Variants in KLHL6 observed in about 807,000 individuals in gnomAD.
KLHL6 encodes the protein kelch-like protein 6.
Under a neutral mutation model 58.6 loss-of-function variants are expected in KLHL6, and 41 were observed. The ratio of observed to expected loss-of-function variants is 0.70; its 90% confidence interval spans 0.55 to 0.91. KLHL6 has a LOEUF of 0.91. KLHL6 is among the 40% of genes least tolerant of loss of function. The pLI is 0.00. For synonymous variants in KLHL6, 338 were observed against 322.7 expected (o/e 1.05, Z -0.51); for missense variants, 714 against 805.6 (o/e 0.89, Z 1.38).
At position 183,531,446 on chromosome 3, in the gene KLHL6, T is replaced by TTTTTTTG. The variant is rs1462312597; in HGVS notation, c.294-3437_294-3436insCAAAAAA. 1.7e-3 allele frequency among the ~76,000 whole-genome samples: 207 copies of TTTTTTTG among 124,428 alleles called. 6 individuals carry two copies. Among genetic ancestry groups the TTTTTTTG allele is most frequent in the African/African-American group, 6.8e-3 (190 of 27,818 alleles). The allele number at this position is 124,428 out of a possible 152,430, so 81.6% of individuals were successfully genotyped here. ...TTTCTGTTCTTTTTTTGTCTGTGTTTTTTTTTTTTTTTTTTTTTTTTGAGA... is the reference window on the plus strand; with the variant it reads ...TTTCTGTTCTTTTTTTGTCTGTGTTTTTTTTTGTTTTTTTTTTTTTTTTTTTTTGAGA... On this transcript the variant is annotated intron_variant, in intron 1 of 6. Transcript: ENST00000341319.
rs918722440 is a variant in KLHL6, at chr3:183,537,924, C to T, written c.294-9914G>A. Among the ~76,000 whole-genome samples the T allele has an allele frequency of 3.3e-5, 5 of 152,246 alleles. No homozygotes were observed. The East Asian group carries it at 5.8e-4, about 18-fold the overall frequency. On this transcript the variant is annotated intron_variant, in intron 1 of 6. Transcript: ENST00000341319. ...GCCAGCTGAGTGAGGGTGTGCCATG[C>T]TCAGCACTGTATCTAGGGGCCAGAG...
In KLHL6 at chr3:183,499,983, C is replaced by T. The variant is rs115707506; in HGVS notation, c.910-156G>A. On this transcript the variant is annotated intron_variant, in intron 3 of 6. Transcript: ENST00000341319. This position sits in a 1 kb window ranked among gnomAD's most constrained non-coding sequence, Gnocchi z 4.6. ...GCCTCAGTTTCATCATCTGTATAAT[C>T]GGGATAGCAGAGGTAACTACCTCAT... Among the ~76,000 whole-genome samples, 661 of 152,288 alleles carry T rather than the reference C, an allele frequency of 4.3e-3. 5 individuals are homozygous for T. The highest frequency in any genetic ancestry group is 0.015 in the African/African-American group (623 of 41,562).
At chr3:183,534,771 A>G (rs1712303097) in intron 1 of KLHL6, among the ~76,000 whole-genome samples, 1 of 152,214 alleles carries the variant, frequency 6.6e-6, no homozygotes, top group African/African-American at 2.4e-5. Flanking sequence ...TTAACCCAAA[A>G]TATACCTGAA....
At chr3:183,520,430 C>A (rs1208314177) in intron 2 of KLHL6, 1 of 152,090 alleles carries the variant, frequency 6.6e-6, no homozygotes, top group Non-Finnish European at 1.5e-5. Context: ...AAATAAGACA[C>A]AGAGACAAAG....
intron 1 of KLHL6, among the ~76,000 whole-genome samples, chr3:183,546,281 A>T (rs897987202): frequency 6.6e-6 from 1 of 152,182 alleles, no homozygotes; most frequent in Admixed American, 6.5e-5. Context: ...TGTAGTTTTC[A>T]TGATACTTTA....
chr3:183,541,431 T>C (rs1442078232), intron 1 of KLHL6, among the ~76,000 whole-genome samples: 3 of 152,294 alleles, frequency 2.0e-5, no homozygotes, highest in African/African-American at 7.2e-5. Flanking sequence ...CAGGCTTGAC[T>C]TGAGCTAAAA....
chr3:183,508,041 CTCT>C lies in KLHL6; in HGVS notation c.909+15_909+17del, dbSNP rs775494940. 18 of 1,606,052 alleles carry C rather than the reference CTCT, an allele frequency of 1.1e-5. No individual in the cohort carries two copies. Among genetic ancestry groups the C allele is most frequent in the Non-Finnish European group, 1.5e-5 (18 of 1,174,414 alleles). ...TTACTTCGCTGGTTAAATATAGCAC[CTCT>C]TATCTTCTACTCACCTCATTGCCAG... On this transcript the variant is annotated intron_variant, in intron 3 of 6. Coordinates refer to ENST00000341319, the MANE Select transcript of KLHL6 (RefSeq NM_130446.4).
chr3:183,549,156 G>A (rs775417331), intron 1 of KLHL6, among the ~76,000 whole-genome samples: 1 of 148,278 alleles, frequency 6.7e-6, no homozygotes, highest in Non-Finnish European at 1.5e-5. Flanking sequence ...AGAACTTAAA[G>A]TAAAATTTAA....
At chr3:183,520,478 C>T (rs933877065) in intron 2 of KLHL6, 2 of 151,400 alleles carry the variant, frequency 1.3e-5, no homozygotes, top group Non-Finnish European at 2.9e-5. Context: ...GACCGGCGCT[C>T]AGCATACGGA....
chr3:183,497,974 G>A (rs950206205), intron 4 of KLHL6, among the ~76,000 whole-genome samples: 4 of 152,176 alleles, frequency 2.6e-5, no homozygotes, highest in Non-Finnish European at 4.4e-5. Context: ...AGTGGCTCAC[G>A]CTTGTAATCC....
In KLHL6 at chr3:183,508,062, A is replaced by G. The variant is rs1718059966; in HGVS notation, c.906T>C (p.Asn302=). 1.2e-6 allele frequency: 2 copies of G among 1,613,114 alleles called. No homozygotes were observed. Among genetic ancestry groups the G allele is most frequent in the Non-Finnish European group, 1.7e-6 (2 of 1,179,264 alleles). The change falls in exon 3 of 7, where the codon AAT becomes AAC. Residue 302 remains asparagine, a synonymous_variant. Transcript: ENST00000341319. ...GCACCTCTTATCTTCTACTCACCTCATTGCCAGAAAGGTGGTACATCCTGG... is the reference window on the plus strand; with the variant it reads ...GCACCTCTTATCTTCTACTCACCTCGTTGCCAGAAAGGTGGTACATCCTGG... The part of the protein sequence containing the change: ...QEARMYHLSG[N]EIISERTKPR...
intron 2 of KLHL6, among the ~76,000 whole-genome samples, chr3:183,516,936 G>C (rs1711588101): frequency 2.6e-5 from 4 of 152,192 alleles, no homozygotes; most frequent in South Asian, 2.1e-4. Flanking sequence ...TTGAGACAGA[G>C]TCTCATGCTG....
At chr3:183,521,007 T>C (rs1425498562) in intron 2 of KLHL6, 2 of 152,202 alleles carry the variant, frequency 1.3e-5, no homozygotes, top group African/African-American at 2.4e-5. Context: ...GGGAGAAACC[T>C]TGGACAATAC....
intron 1 of KLHL6, among the ~76,000 whole-genome samples, chr3:183,541,488 G>T (rs918228541): frequency 1.3e-5 from 2 of 152,190 alleles, no homozygotes; most frequent in African/African-American, 2.4e-5. Flanking sequence ...AACGTGGATT[G>T]CAACCCCCAG....
In KLHL6 at chr3:183,491,913, T is replaced by TC; in HGVS notation, c.*13dup. ...CTGAGGGTCGGGGGGGCTCTCCAGC[T>TC]CCCCATCCTGCCGTCAGACAGACAC... On this transcript the variant is annotated 3_prime_UTR_variant, in exon 7 of 7. Transcript: ENST00000341319. 2 of 1,464,582 alleles carry TC rather than the reference T, an allele frequency of 1.4e-6. No individual in the cohort carries two copies. The highest frequency in any genetic ancestry group is 1.8e-6 in the Non-Finnish European group (2 of 1,103,974). The allele number at this position is 1,464,582 out of a possible 1,614,324, so 90.7% of individuals were successfully genotyped here. A position where few individuals can be genotyped will look rare whatever the true frequency, so the allele number is the denominator to read the frequency against.
At chr3:183,532,936 A>G (rs891023402) in intron 1 of KLHL6, among the ~76,000 whole-genome samples, 1 of 152,226 alleles carries the variant, frequency 6.6e-6, no homozygotes, top group African/African-American at 2.4e-5. Context: ...AGATGAACCC[A>G]TAAAGAGCTG....
In KLHL6 at chr3:183,495,370, G is replaced by A. The variant is rs73884507; in HGVS notation, c.1148-1089C>T. Among the ~76,000 whole-genome samples, 793 of 151,784 alleles carry A rather than the reference G, an allele frequency of 5.2e-3. 11 individuals carry two copies. The highest frequency in any genetic ancestry group is 0.018 in the African/African-American group (733 of 41,378). On this transcript the variant is annotated intron_variant, in intron 4 of 6. Transcript: ENST00000341319. ...AAAAAACTATGTCAGTTTGGTTTTC[G>A]CTTACTATGAGGGAAGCTGAGCTTC...
At chr3:183,515,149 A>G (rs1258638874) in intron 2 of KLHL6, among the ~76,000 whole-genome samples, 1 of 152,202 alleles carries the variant, frequency 6.6e-6, no homozygotes, top group Non-Finnish European at 1.5e-5. Flanking sequence ...CAAAACCAAC[A>G]CAAGAGAGAG....
intron 2 of KLHL6, chr3:183,521,461 G>A (rs536915600): frequency 4.7e-4 from 72 of 152,326 alleles, no homozygotes; most frequent in African/African-American, 1.7e-3. Context: ...AGTCCTCCCT[G>A]AGGACACCCT....
Sources: gnomAD v4.1 joint callset for allele counts (sites outside exome capture counted in the v4.1 genomes callset) on GRCh38, gnomAD v4.1.1 for gene constraint, Gnocchi (gnomAD v3.1) non-coding constraint, MANE v1.5 for transcripts, NCBI Gene and HGNC (gene_info 2026-07-23, HGNC 2026-07-21) for gene names.